Variants in CSMD1 observed in about 807,000 individuals in gnomAD.
CSMD1 encodes the protein CUB and Sushi multiple domains 1, also known as CUB and sushi domain-containing protein 1.
Under a neutral mutation model 417.5 loss-of-function variants are expected in CSMD1, and 213 were observed. That is an observed-to-expected ratio of 0.51 (90% CI 0.46 to 0.57). CSMD1 has a LOEUF of 0.57. CSMD1 is among the 20% of genes least tolerant of loss of function. The pLI, the probability that CSMD1 is intolerant of heterozygous loss-of-function variation, is 0.00. For missense variants in CSMD1, 6,923 were observed against 4,529.7 expected, an observed-to-expected ratio of 1.53 and a Z score of -15.17; for synonymous variants, 2,862 against 1,736.8, an observed-to-expected ratio of 1.65 and a Z score of -16.11.
chr8:4,161,120 G>A (rs960092556), intron 3 of CSMD1, among the ~76,000 whole-genome samples: 2 of 75,220 alleles, frequency 2.7e-5, no homozygotes, highest in Non-Finnish European at 6.7e-5. Context: ...AACAAATAAT[G>A]TAAAAAAAAA....
chr8:4,871,778 T>C lies in CSMD1; in HGVS notation c.85+122554A>G, dbSNP rs569243448. Among the ~76,000 whole-genome samples the C allele has an allele frequency of 1.1e-4, 17 of 152,238 alleles. 1 individual carries two copies. Among genetic ancestry groups the C allele is most frequent in the Admixed American group, 3.9e-4 (6 of 15,304 alleles). On this transcript the variant is annotated intron_variant, in intron 1 of 69. Coordinates refer to ENST00000635120, the MANE Select transcript of CSMD1 (RefSeq NM_033225.6). ...CTTATTTTTCCCTCTTTTGAAACTG[T>C]ACATTTAGATTGTACACTTTTGAAA...
rs373288430 is a variant in CSMD1, at chr8:4,627,318, C to A, written c.302+10024G>T. On this transcript the variant is annotated intron_variant, in intron 2 of 69. Coordinates refer to ENST00000635120, the MANE Select transcript of CSMD1 (RefSeq NM_033225.6). ...TCACTCAGCTTCAAACTTGATCATCCACATAAAGCTCATTTAAAATCCTGA... is the reference window on the plus strand; with the variant it reads ...TCACTCAGCTTCAAACTTGATCATCAACATAAAGCTCATTTAAAATCCTGA... 1.7e-4 allele frequency among the ~76,000 whole-genome samples: 26 copies of A among 152,168 alleles called. No homozygotes were observed. In the East Asian group the frequency reaches 4.3e-3, roughly 25 times the overall value.
intron 48 of CSMD1, among the ~76,000 whole-genome samples, chr8:3,091,294 T>G (rs1814928374): frequency 2.0e-5 from 3 of 152,132 alleles, no homozygotes; most frequent in African/African-American, 7.2e-5. Flanking sequence ...TTCAGCAGTT[T>G]ATAATTTTAA....
intron 2 of CSMD1, among the ~76,000 whole-genome samples, chr8:4,586,938 C>T (rs867929384): frequency 6.6e-6 from 1 of 152,152 alleles, no homozygotes; most frequent in Non-Finnish European, 1.5e-5. Flanking sequence ...AACTTGCATG[C>T]ATGAATCTGT....
At chr8:3,189,715 A>G (rs1248348411) in intron 34 of CSMD1, among the ~76,000 whole-genome samples, 197 bp downstream of exon 34, 1 of 152,094 alleles carries the variant, frequency 6.6e-6, no homozygotes, top group Non-Finnish European at 1.5e-5. Context: ...TATCCTTGTT[A>G]AGATGATGAG....
chr8:4,119,808 C>T (rs1236766024), intron 3 of CSMD1, among the ~76,000 whole-genome samples: 3 of 152,170 alleles, frequency 2.0e-5, no homozygotes, highest in Admixed American at 6.5e-5. Flanking sequence ...TTCTACGATG[C>T]AATTTATGAT....
chr8:3,332,447 C>T (rs942305554), intron 23 of CSMD1, among the ~76,000 whole-genome samples: 6 of 152,182 alleles, frequency 3.9e-5, no homozygotes, highest in African/African-American at 7.2e-5. Context: ...GAAGGCCAAC[C>T]GGAGCTGCAG....
Position 4,882,510 on chromosome 8 carries a change from T to G in CSMD1, c.85+111822A>C, listed in dbSNP as rs148477396. ...CTTCTTCCTGTTTTCAAAGGAAGGC[T>G]TCCTCTCCCACAGGTAATGGTTTCT... On this transcript the variant is annotated intron_variant, in intron 1 of 69. Coordinates refer to ENST00000635120, the MANE Select transcript of CSMD1 (RefSeq NM_033225.6). 8.5e-3 allele frequency among the ~76,000 whole-genome samples: 1,293 copies of G among 151,922 alleles called. 25 individuals carry two copies. Among genetic ancestry groups the G allele is most frequent in the African/African-American group, 0.029 (1,187 of 41,360 alleles).
intron 1 of CSMD1, among the ~76,000 whole-genome samples, chr8:4,853,887 T>C (rs1189511746): frequency 3.9e-5 from 6 of 152,162 alleles, no homozygotes; most frequent in Non-Finnish European, 5.9e-5. Context: ...GGAGATAATT[T>C]TGGGGATTTA....
chr8:4,897,393 G>C (rs1554513932), intron 1 of CSMD1, among the ~76,000 whole-genome samples: 1 of 151,984 alleles, frequency 6.6e-6, no homozygotes, highest in Non-Finnish European at 1.5e-5. Context: ...CATTCAACAG[G>C]AAAAAAGTTA....
At chr8:4,421,321 C>G (rs573919669) in intron 2 of CSMD1, among the ~76,000 whole-genome samples, 2 of 152,140 alleles carry the variant, frequency 1.3e-5, no homozygotes, top group Admixed American at 6.5e-5. Context: ...CTCATCAACC[C>G]TATATAACAG....
At chr8:4,420,899 A>G (rs555872277) in intron 2 of CSMD1, among the ~76,000 whole-genome samples, 2 of 152,208 alleles carry the variant, frequency 1.3e-5, no homozygotes, top group East Asian at 1.9e-4. Flanking sequence ...TCACCCTCCT[A>G]GGAGCCCTCC....
Position 3,963,537 on chromosome 8 carries a change from A to G in CSMD1, c.818+34366T>C, listed in dbSNP as rs146729393. ...TAAAATTCAGAAAATTTTCTATTATAAACATAAAATTCGTATTTCAATTTA... is the reference window on the plus strand; with the variant it reads ...TAAAATTCAGAAAATTTTCTATTATGAACATAAAATTCGTATTTCAATTTA... On this transcript the variant is annotated intron_variant, in intron 5 of 69. Transcript: ENST00000635120. 5.1e-3 allele frequency among the ~76,000 whole-genome samples: 773 copies of G among 152,346 alleles called. 3 individuals carry two copies. The highest frequency in any genetic ancestry group is 8.2e-3 in the Non-Finnish European group (561 of 68,030).
chr8:4,901,026 G>A (rs1387624776), intron 1 of CSMD1, among the ~76,000 whole-genome samples: 1 of 152,180 alleles, frequency 6.6e-6, no homozygotes, highest in Non-Finnish European at 1.5e-5. Flanking sequence ...GAATGCCGAT[G>A]TTCAACAAAT....
At chr8:3,704,433 G>A (rs1382263834) in intron 7 of CSMD1, among the ~76,000 whole-genome samples, 1 of 152,154 alleles carries the variant, frequency 6.6e-6, no homozygotes, top group Non-Finnish European at 1.5e-5. Context: ...AACAAGAGAA[G>A]TGGTACTTTG....
chr8:4,013,451 G>T (rs1331461640), intron 4 of CSMD1, among the ~76,000 whole-genome samples: 1 of 152,098 alleles, frequency 6.6e-6, no homozygotes, highest in Non-Finnish European at 1.5e-5. Context: ...ACTATCAGGG[G>T]GGTTTCCAGG....
intron 2 of CSMD1, among the ~76,000 whole-genome samples, chr8:4,520,649 G>C (rs925976635): frequency 6.6e-6 from 1 of 152,112 alleles, no homozygotes; most frequent in Admixed American, 6.5e-5. Context: ...CCCCCTACTA[G>C]CAATGATACG....
In CSMD1 at chr8:4,432,877, G is replaced by T. The variant is rs1212047403; in HGVS notation, c.303-12812C>A. Among the ~76,000 whole-genome samples, 2 of 152,206 alleles carry T rather than the reference G, an allele frequency of 1.3e-5. 1 individual carries two copies. The highest frequency in any genetic ancestry group is 2.9e-5 in the Non-Finnish European group (2 of 68,038). On this transcript the variant is annotated intron_variant, in intron 2 of 69. Coordinates refer to ENST00000635120, the MANE Select transcript of CSMD1 (RefSeq NM_033225.6). ...GGGTCTCCAACCGCGAGCCACGAAT[G>T]TGGCTGCCCATCAAGGGGTGAGCAG... is the stretch of plus-strand genomic sequence containing the variant.
chr8:4,101,057 G>T (rs1801278891), intron 3 of CSMD1, among the ~76,000 whole-genome samples: 1 of 152,124 alleles, frequency 6.6e-6, no homozygotes, highest in African/African-American at 2.4e-5. Flanking sequence ...GGCAGATGAT[G>T]CCAGAGACGA....
Sources: allele counts gnomAD v4.1 joint callset (sites outside exome capture counted in the v4.1 genomes callset), GRCh38; gene constraint gnomAD v4.1.1; transcripts MANE v1.5; gene names NCBI Gene and HGNC (gene_info 2026-07-23, HGNC 2026-07-21).